Variants in FAM227A observed in about 807,000 individuals in gnomAD.
FAM227A encodes the protein protein FAM227A.
In FAM227A, 80 loss-of-function variants were observed where a neutral mutation model predicts 74.7. That is an observed-to-expected ratio of 1.07 (90% confidence interval 0.89 to 1.29). The LOEUF is 1.29. FAM227A is among the 50% of genes most tolerant of loss of function. FAM227A has a pLI of 0.00. For missense variants in FAM227A, 654 were observed against 683.4 expected (o/e 0.96, Z 0.48); for synonymous variants, 237 against 241.8 (o/e 0.98, Z 0.19).
Position 38,611,650 on chromosome 22 carries a change from G to A in FAM227A, c.1039-4174C>T, listed in dbSNP as rs117927544. Among the ~76,000 whole-genome samples the A allele has an allele frequency of 4.1e-4, 63 of 152,218 alleles. 1 individual carries two copies. In the East Asian group the frequency reaches 9.5e-3, roughly 23 times the overall value. Reference sequence around the variant, plus strand: ...ATGTAACTGATAGGTGCATCACTTAGATGGAAATGTAGGTCTCCTGGCACC... The same window carrying A: ...ATGTAACTGATAGGTGCATCACTTAAATGGAAATGTAGGTCTCCTGGCACC... On this transcript the variant is annotated intron_variant, in intron 11 of 16. Transcript: ENST00000535113.
chr22:38,597,281 ATTGAGG>A lies in FAM227A; in HGVS notation c.1449_1454del (p.Leu484_Asn485del). 6.4e-7 allele frequency: 1 copy of A among 1,551,778 alleles called. No individual in the cohort carries two copies. The highest frequency in any genetic ancestry group is 8.7e-7 in the Non-Finnish European group (1 of 1,146,790). Reference sequence around the variant, plus strand: ...CAGTCCAATGATGCTGGTACAACTGATTGAGGTTGTCTTTCCGCTTCTTCATGCTGC... The same window carrying A: ...CAGTCCAATGATGCTGGTACAACTGATTGTCTTTCCGCTTCTTCATGCTGC... On this transcript the variant is annotated inframe_deletion, in exon 15 of 17. Transcript: ENST00000535113.
At chr22:38,596,568 G>T (rs1169300152) in intron 15 of FAM227A, among the ~76,000 whole-genome samples, 1 of 152,096 alleles carries the variant, frequency 6.6e-6, no homozygotes, top group East Asian at 1.9e-4. Context: ...TACATTTTGG[G>T]GACAATTGGG....
chr22:38,644,813 C>A (rs776442651), intron 3 of FAM227A, among the ~76,000 whole-genome samples: 7 of 152,150 alleles, frequency 4.6e-5, no homozygotes, highest in Non-Finnish European at 8.8e-5. Context: ...TTAGGCCGGG[C>A]GTGGTGGCTC....
At chr22:38,638,869 T>C in intron 4 of FAM227A, 47 bp from the exon 5 acceptor site, 1 of 1,256,476 alleles carries the variant, frequency 8.0e-7, no homozygotes, top group South Asian at 1.5e-5. Context: ...ACAGGGTCTG[T>C]CCACAGCTGT....
At chr22:38,591,353 A>C (rs1368045748) in intron 16 of FAM227A, 82 bp downstream of exon 16, 17 of 1,485,868 alleles carry the variant, frequency 1.1e-5, no homozygotes, top group Non-Finnish European at 1.5e-5. Flanking sequence ...AATAATTATT[A>C]TTCTTACATG....
chr22:38,607,762 C>T (rs544022641), intron 11 of FAM227A, among the ~76,000 whole-genome samples: 72 of 152,266 alleles, frequency 4.7e-4, no homozygotes, highest in African/African-American at 1.7e-3. Context: ...AGTCATCAAA[C>T]CTCTTTACCG....
chr22:38,640,474 C>G (rs941027024), intron 3 of FAM227A, among the ~76,000 whole-genome samples: 2 of 152,130 alleles, frequency 1.3e-5, no homozygotes, highest in Non-Finnish European at 2.9e-5. Context: ...TTCTCTTGAT[C>G]TCTGACTCTT....
chr22:38,637,262 G>GAT (rs898922375), intron 5 of FAM227A, among the ~76,000 whole-genome samples: 1 of 152,076 alleles, frequency 6.6e-6, no homozygotes, highest in South Asian at 2.1e-4. Flanking sequence ...CATTTAAGAT[G>GAT]ATATATCCTG....
chr22:38,623,311 C>CG, intron 9 of FAM227A, 32 bp from the exon 10 acceptor site: 1 of 1,442,170 alleles, frequency 6.9e-7, no homozygotes, highest in Non-Finnish European at 9.5e-7. Flanking sequence ...AGAATGGGGC[C>CG]GGGTGCGGTG....
rs187211936 is a variant in FAM227A at position 38,625,164 on chromosome 22, C to T, written c.850+1016G>A. On this transcript the variant is annotated intron_variant, in intron 9 of 16. Transcript: ENST00000535113. ...CAGCACTTTGGGAGGCCTTGTTGGG[C>T]GGATGACGAGGTCAGGAGATCAAGA... 3.3e-5 allele frequency among the ~76,000 whole-genome samples: 5 copies of T among 151,972 alleles called. No individual in the cohort carries two copies. The East Asian group carries it at 9.8e-4, about 30-fold the overall frequency.
In FAM227A at chr22:38,626,897, T is replaced by A. The variant is rs1259225888; in HGVS notation, c.727-594A>T. On this transcript the variant is annotated intron_variant, in intron 8 of 16. Coordinates refer to ENST00000535113, the MANE Select transcript of FAM227A (RefSeq NM_001013647.2). The stretch of plus-strand genomic sequence containing the variant: ...AAAAAAAAAAAAAAAAAAAAATATA[T>A]ATATATATATATATATACACGTATA... Among the ~76,000 whole-genome samples the A allele has an allele frequency of 3.5e-3, 263 of 75,064 alleles. 1 individual carries two copies. The highest frequency in any genetic ancestry group is 5.6e-3 in the African/African-American group (90 of 16,150). The allele number at this position is 75,064 out of a possible 152,430, so 49.2% of individuals were successfully genotyped here.
At chr22:38,599,295 A>T (rs1433188108) in intron 14 of FAM227A, among the ~76,000 whole-genome samples, 1 of 151,994 alleles carries the variant, frequency 6.6e-6, no homozygotes, top group Admixed American at 6.6e-5. Context: ...TGAGCTTTCT[A>T]TTAGATCTTT....
intron 2 of FAM227A, among the ~76,000 whole-genome samples, chr22:38,648,305 TAA>T (rs11351838): frequency 1.2e-3 from 157 of 125,790 alleles, no homozygotes; most frequent in East Asian, 3.0e-3. Flanking sequence ...TCAACTTGAT[TAA>T]AAAAAAAAAA....
chr22:38,646,426 ATTT>A (rs71661384), intron 2 of FAM227A, among the ~76,000 whole-genome samples: 41,787 of 145,400 alleles, frequency 0.29, 5,887 homozygotes, highest in East Asian at 0.35. Context: ...CGCCCGGCTA[ATTT>A]TTTTTTGTAT....
intron 6 of FAM227A, among the ~76,000 whole-genome samples, chr22:38,636,040 A>G (rs372360913): frequency 4.6e-5 from 7 of 150,724 alleles, no homozygotes; most frequent in Admixed American, 6.6e-5. Flanking sequence ...GAGAAAGAGA[A>G]AGAGAGAGAA....
rs539671582 is a variant in FAM227A, at chr22:38,635,732, C to T, written c.519+719G>A. 3.9e-5 allele frequency among the ~76,000 whole-genome samples: 6 copies of T among 152,294 alleles called. No homozygotes were observed. In the South Asian group the frequency reaches 1.2e-3, roughly 32 times the overall value. ...AATTGGCTGGGCATAGTGGTTCACA[C>T]CTGTAATCCCAGCACTTTGGGAGGC... On this transcript the variant is annotated intron_variant, in intron 6 of 16. Transcript: ENST00000535113.
At chr22:38,646,409 G>A (rs1207513103) in intron 2 of FAM227A, among the ~76,000 whole-genome samples, 2 of 143,086 alleles carry the variant, frequency 1.4e-5, no homozygotes, top group Non-Finnish European at 3.1e-5. Flanking sequence ...ACAGGCGCCC[G>A]CCACTACGCC....
At chr22:38,639,047 C>T (rs1218377001) in intron 4 of FAM227A, among the ~76,000 whole-genome samples, 1 of 152,056 alleles carries the variant, frequency 6.6e-6, no homozygotes, top group Non-Finnish European at 1.5e-5. Flanking sequence ...AAGTTACTCC[C>T]CTCCCTCCAA....
intron 16 of FAM227A, among the ~76,000 whole-genome samples, chr22:38,588,614 C>CT (rs1218339032): frequency 0.026 from 1,983 of 75,088 alleles, 27 homozygotes; most frequent in Non-Finnish European, 0.036. Context: ...GTGACTCTGT[C>CT]TAAAAAAAAA....
Sources: allele counts gnomAD v4.1 joint callset (sites outside exome capture counted in the v4.1 genomes callset), GRCh38; gene constraint gnomAD v4.1.1; transcripts MANE v1.5; gene names NCBI Gene and HGNC (gene_info 2026-07-23, HGNC 2026-07-21).